Variants in NHEJ1 observed in about 807,000 individuals in gnomAD.
NHEJ1 encodes non-homologous end-joining factor 1.
In NHEJ1, 22 loss-of-function variants were observed where a neutral mutation model predicts 39.4. That is an observed-to-expected ratio of 0.56 (90% CI 0.40 to 0.80). The LOEUF (loss-of-function observed/expected upper bound fraction) is 0.80. NHEJ1 is among the 30% of genes least tolerant of loss of function. The pLI is 0.00. For synonymous variants in NHEJ1, 154 were observed against 135.6 expected, an observed-to-expected ratio of 1.14 and a Z score of -0.94; for missense variants, 329 against 357.1, an observed-to-expected ratio of 0.92 and a Z score of 0.63.
At chr2:219,123,608 C>G (rs1401707645) in intron 5 of NHEJ1, among the ~76,000 whole-genome samples, 1 of 152,160 alleles carries the variant, frequency 6.6e-6, no homozygotes, top group Non-Finnish European at 1.5e-5. Flanking sequence ...GTTAAGTAAC[C>G]CCATGCAGTG....
chr2:219,080,624 TGC>T (rs1949055867), intron 5 of NHEJ1, among the ~76,000 whole-genome samples: 2 of 118,308 alleles, frequency 1.7e-5, no homozygotes, highest in Admixed American at 1.7e-4. Flanking sequence ...CTTATATATA[TGC>T]TAATATATAT....
At chr2:219,139,079 ATTTTC>A (rs1013059124) in intron 5 of NHEJ1, among the ~76,000 whole-genome samples, 1 of 151,184 alleles carries the variant, frequency 6.6e-6, no homozygotes, top group Non-Finnish European at 1.5e-5. Context: ...TTCGTTTCTC[ATTTTC>A]TTTTCTTTTT....
At position 219,157,991 on chromosome 2, in the gene NHEJ1, TCACACACACA is replaced by T. The variant is rs58103413; in HGVS notation, c.177+185_177+194del. 0.019 allele frequency among the ~76,000 whole-genome samples: 1,926 copies of T among 99,240 alleles called. 38 individuals are homozygous for T. The highest frequency in any genetic ancestry group is 0.038 in the African/African-American group (1,133 of 29,610). 65.1% of individuals were successfully genotyped at this position (99,240 alleles called of 152,430 possible). On this transcript the variant is annotated intron_variant, in intron 2 of 7. Transcript: ENST00000356853. ...CTTTCTTTCTCTCTCTCTCTCTCTC[TCACACACACA>T]CACACACACACACACACACACACAC...
intron 5 of NHEJ1, among the ~76,000 whole-genome samples, chr2:219,129,800 C>T (rs1949559956): frequency 6.6e-6 from 1 of 152,250 alleles, no homozygotes; most frequent in Non-Finnish European, 1.5e-5. Context: ...CGTGTGTCCA[C>T]ACAGACGCCA....
At position 219,075,095 on chromosome 2, in the gene NHEJ1, T is replaced by C. The variant is rs931776702; in HGVS notation, c.*1286A>G. On this transcript the variant is annotated 3_prime_UTR_variant, in exon 8 of 8. Coordinates refer to ENST00000356853, the MANE Select transcript of NHEJ1 (RefSeq NM_024782.3). ...ATGTCCTTTCTGGAAAATAAATGTT[T>C]TCATTAGTGTATATAATAATGCTGT... Among the ~76,000 whole-genome samples, 2 of 152,212 alleles carry C rather than the reference T, an allele frequency of 1.3e-5. No individual in the cohort carries two copies. The highest frequency in any genetic ancestry group is 2.4e-5 in the African/African-American group (1 of 41,458).
At position 219,152,789 on chromosome 2, in the gene NHEJ1, T is replaced by TTATATTTATTTA. The variant is rs60094718; in HGVS notation, c.390+4682_390+4683insTAAATAAATATA. ...GGATCTCTTTCATTTATTTATTTAT[T>TTATATTTATTTA]TTTATTTATTTATTTATTTATTTAT... is the stretch of plus-strand genomic sequence containing the variant. On this transcript the variant is annotated intron_variant, in intron 3 of 7. Coordinates refer to ENST00000356853, the MANE Select transcript of NHEJ1 (RefSeq NM_024782.3). Among the ~76,000 whole-genome samples the TTATATTTATTTA allele has an allele frequency of 2.7e-4, 24 of 87,784 alleles. No individual in the cohort carries two copies. The South Asian group carries it at 5.0e-3, about 18-fold the overall frequency. 57.6% of individuals were successfully genotyped at this position (87,784 alleles called of 152,430 possible). A position where few individuals can be genotyped will look rare whatever the true frequency, so the allele number is the denominator to read the frequency against.
intron 4 of NHEJ1, 59 bp from the exon 5 acceptor site, chr2:219,146,797 T>C (rs1949745672): frequency 3.0e-6 from 4 of 1,320,886 alleles, no homozygotes; most frequent in Non-Finnish European, 4.4e-6. Context: ...GTTTCTTACC[T>C]GATGGAAAGG....
intron 5 of NHEJ1, among the ~76,000 whole-genome samples, chr2:219,131,137 G>A (rs1467994481): frequency 6.6e-6 from 1 of 152,108 alleles, no homozygotes. Context: ...TTCTAAGATG[G>A]TGTTAGAGGA....
chr2:219,076,710 A>C (rs1440998862), intron 7 of NHEJ1, among the ~76,000 whole-genome samples: 1 of 151,900 alleles, frequency 6.6e-6, no homozygotes, highest in African/African-American at 2.4e-5. Flanking sequence ...TATCTGGCTA[A>C]TTTTGTTTTT....
chr2:219,139,840 C>T (rs932604532), intron 5 of NHEJ1, among the ~76,000 whole-genome samples: 2 of 152,154 alleles, frequency 1.3e-5, no homozygotes, highest in Non-Finnish European at 2.9e-5. Flanking sequence ...CCACCACACC[C>T]GGCTAATTTT....
chr2:219,102,999 C>T (rs1251323960), intron 5 of NHEJ1, among the ~76,000 whole-genome samples: 2 of 76,096 alleles, frequency 2.6e-5, no homozygotes, highest in African/African-American at 5.2e-5. Flanking sequence ...AGCGAGACTC[C>T]GTCTCAAAAA....
intron 5 of NHEJ1, among the ~76,000 whole-genome samples, chr2:219,119,561 C>T (rs182994959): frequency 1.5e-4 from 23 of 152,272 alleles, no homozygotes; most frequent in African/African-American, 5.3e-4. Context: ...ATCCCTCCCC[C>T]TCACAAACCT....
In NHEJ1 at chr2:219,134,894, C is replaced by T. The variant is rs141631432; in HGVS notation, c.588+11786G>A. Among the ~76,000 whole-genome samples, 313 of 151,548 alleles carry T rather than the reference C, an allele frequency of 2.1e-3. 1 individual carries two copies. The highest frequency in any genetic ancestry group is 7.0e-3 in the African/African-American group (290 of 41,306). On this transcript the variant is annotated intron_variant, in intron 5 of 7. Coordinates refer to ENST00000356853, the MANE Select transcript of NHEJ1 (RefSeq NM_024782.3). Reference sequence around the variant, plus strand: ...CTCTACTAAAAATACAAAAATTAGCCGGGTGTGGTGTGGTGGGCTCCTGTA... The same window carrying T: ...CTCTACTAAAAATACAAAAATTAGCTGGGTGTGGTGTGGTGGGCTCCTGTA...
At chr2:219,156,551 T>C (rs1949856939) in intron 3 of NHEJ1, among the ~76,000 whole-genome samples, 1 of 152,148 alleles carries the variant, frequency 6.6e-6, no homozygotes, top group African/African-American at 2.4e-5. Flanking sequence ...TATAAAGCTA[T>C]GAGTGAGTAG....
chr2:219,121,260 T>A (rs776132453), intron 5 of NHEJ1, among the ~76,000 whole-genome samples: 1 of 151,840 alleles, frequency 6.6e-6, no homozygotes, highest in Non-Finnish European at 1.5e-5. Flanking sequence ...CCTAGTAACA[T>A]AATCTAGTCA....
In NHEJ1 at chr2:219,071,682, C is replaced by A. The variant is rs1444501046; in HGVS notation, c.*4699G>T. On this transcript the variant is annotated 3_prime_UTR_variant, in exon 8 of 8. Coordinates refer to ENST00000356853, the MANE Select transcript of NHEJ1 (RefSeq NM_024782.3). ...GCTCCTTTAACTACTGGCCCTTGGC[C>A]CAGCAGGACAAGTAATCCTAGCACA... Among the ~76,000 whole-genome samples the A allele has an allele frequency of 6.6e-6, 1 of 152,080 alleles. No homozygotes were observed. The highest frequency in any genetic ancestry group is 1.5e-5 in the Non-Finnish European group (1 of 68,008).
At position 219,076,464 on chromosome 2, in the gene NHEJ1, A is replaced by G. The variant is rs1949015008; in HGVS notation, c.826-9T>C. On this transcript the variant is annotated splice_polypyrimidine_tract_variant and intron_variant, in intron 7 of 7. Transcript: ENST00000356853. The stretch of plus-strand genomic sequence containing the variant: ...AGAGGGCCTGAAGTACCCTAGAAAA[A>G]AGGGAACCCAAGTTAGTAGGGGTTT... The G allele has an allele frequency of 1.9e-6, 3 of 1,613,596 alleles. No homozygotes were observed. In the East Asian group the frequency reaches 6.7e-5, roughly 36 times the overall value.
At chr2:219,109,905 T>C (rs530948704) in intron 5 of NHEJ1, among the ~76,000 whole-genome samples, 1 of 152,168 alleles carries the variant, frequency 6.6e-6, no homozygotes, top group Non-Finnish European at 1.5e-5. Flanking sequence ...CTTAACTATC[T>C]TGGGGTGGAT....
chr2:219,143,815 G>A (rs6741247), intron 5 of NHEJ1, among the ~76,000 whole-genome samples: 76,300 of 151,994 alleles, frequency 0.5, 21,510 homozygotes, highest in Non-Finnish European at 0.64. Context: ...GTATGAAAAC[G>A]ATGAGCCTCT....
Sources: allele counts gnomAD v4.1 joint callset (sites outside exome capture counted in the v4.1 genomes callset), GRCh38; gene constraint gnomAD v4.1.1; transcripts MANE v1.5; gene names NCBI Gene and HGNC (gene_info 2026-07-23, HGNC 2026-07-21).